BTBD1: variants seen among roughly 807,000 people sequenced by gnomAD.
BTBD1 encodes the protein BTB domain containing 1, also known as BTB/POZ domain-containing protein 1.
A neutral mutation model predicts 48.0 loss-of-function variants in BTBD1; 34 were observed. The ratio of observed to expected loss-of-function variants is 0.71; its 90% confidence interval spans 0.54 to 0.94. The LOEUF is 0.94. Among genes scored for constraint, BTBD1 ranks in the 40% least tolerant of loss-of-function variants. The probability of loss-of-function intolerance (pLI) is 0.00; values close to 1 mark genes in which losing one functional copy is unlikely to be tolerated. For missense variants in BTBD1, 543 were observed against 625.6 expected (o/e 0.87, Z 1.41); for synonymous variants, 261 against 242.1 (o/e 1.08, Z -0.72).
In BTBD1 at chr15:83,018,180, GCA is replaced by G; in HGVS notation, c.1334_1335del (p.Val445AlafsTer2). The G allele has an allele frequency of 6.2e-7, 1 of 1,610,898 alleles. No individual in the cohort carries two copies. Among genetic ancestry groups the G allele is most frequent in the Non-Finnish European group, 8.5e-7 (1 of 1,178,572 alleles). ...HYGTKGLKKV[V>X]HETPAASKTV... ...GTCTTGCTTGCAGCAGGTGTCTCAT[GCA>G]CTACTTTCTTCAATCCTTTTGTGCC... is the stretch of plus-strand genomic sequence containing the variant. On this transcript the variant is annotated frameshift_variant, in exon 8 of 8. Coordinates refer to ENST00000261721, the MANE Select transcript of BTBD1 (RefSeq NM_025238.4). LOFTEE classifies it high-confidence loss of function.
intron 5 of BTBD1, chr15:83,022,682 G>T (rs192658981): frequency 0.023 from 3,363 of 145,534 alleles, 57 homozygotes; most frequent in Middle Eastern, 0.05. Flanking sequence ...AAAAAAAATA[G>T]ACCAGGCACA....
intron 2 of BTBD1, among the ~76,000 whole-genome samples, chr15:83,055,304 C>T (rs1425931148): frequency 6.6e-6 from 1 of 152,204 alleles, no homozygotes; most frequent in African/African-American, 2.4e-5. Flanking sequence ...GTCACCCAAG[C>T]TGGACTGCAA....
chr15:83,042,324 C>T (rs898179880), intron 3 of BTBD1, among the ~76,000 whole-genome samples: 3 of 132,546 alleles, frequency 2.3e-5, no homozygotes, highest in Admixed American at 8.0e-5. Flanking sequence ...TTAAGCACTA[C>T]GTGCCAGGTA....
chr15:83,034,886 T>C (rs771785502), intron 4 of BTBD1, among the ~76,000 whole-genome samples: 5 of 152,344 alleles, frequency 3.3e-5, no homozygotes, highest in Non-Finnish European at 5.9e-5. Flanking sequence ...TTAGTATATA[T>C]TCCTTTCATA....
intron 1 of BTBD1, among the ~76,000 whole-genome samples, chr15:83,063,018 C>G (rs532342038): frequency 1.4e-4 from 21 of 152,308 alleles, no homozygotes; most frequent in Admixed American, 9.2e-4. Flanking sequence ...CTTCATTATA[C>G]CTGACTCTCA....
intron 6 of BTBD1, 41 bp from the exon 7 acceptor site, chr15:83,018,894 A>C: frequency 1.9e-6 from 3 of 1,550,746 alleles, no homozygotes; most frequent in Non-Finnish European, 1.8e-6. Flanking sequence ...AGTTAAACCA[A>C]ATAAAGCAAA....
At chr15:83,053,214 A>C (rs1386658146) in intron 2 of BTBD1, among the ~76,000 whole-genome samples, 2 of 152,146 alleles carry the variant, frequency 1.3e-5, no homozygotes, top group African/African-American at 2.4e-5. Flanking sequence ...ATGCTGGTAC[A>C]GTATACTGGC....
intron 1 of BTBD1, among the ~76,000 whole-genome samples, chr15:83,056,957 T>G (rs939149442): frequency 6.6e-6 from 1 of 152,096 alleles, no homozygotes; most frequent in Non-Finnish European, 1.5e-5. Context: ...CAGCCTCAAC[T>G]GTATCACCCT....
At chr15:83,044,369 T>C (rs1342753895) in intron 3 of BTBD1, 6 of 1,522,886 alleles carry the variant, frequency 3.9e-6, no homozygotes, top group East Asian at 4.8e-5. Context: ...GTGCCCACCA[T>C]GGCCACAGTT....
At chr15:83,039,686 G>A (rs1229643610) in intron 4 of BTBD1, among the ~76,000 whole-genome samples, 2 of 151,140 alleles carry the variant, frequency 1.3e-5, no homozygotes, top group Non-Finnish European at 2.9e-5. Flanking sequence ...GCTGAGGTGG[G>A]AGAATTGCCT....
rs2033289848 is a variant in BTBD1 at position 83,066,963 on chromosome 15, G to A, written c.189C>T (p.Phe63=). The A allele has an allele frequency of 6.3e-7, 1 of 1,582,458 alleles. No homozygotes were observed. Among genetic ancestry groups the A allele is most frequent in the East Asian group, 2.5e-5 (1 of 40,110 alleles). ...ASLKERFAFL[F]NSELLSDVRF... ...GCACATCGCTCAGCAGCTCCGAGTT[G>A]AAGAGGAAGGCGAAGCGCTCCTTCA... is the stretch of plus-strand genomic sequence containing the variant. The change falls in exon 1 of 8, where the codon TTC becomes TTT. Residue 63 remains phenylalanine (F), a synonymous_variant. Transcript: ENST00000261721.
At chr15:83,024,433 A>G (rs1039019722) in intron 5 of BTBD1, 9 of 152,178 alleles carry the variant, frequency 5.9e-5, no homozygotes, top group Non-Finnish European at 1.3e-4. Flanking sequence ...AAACTTTTCA[A>G]TTATCTGTTT....
Position 83,067,065 on chromosome 15 carries a change from G to A in BTBD1, c.87C>T (p.Pro29=), listed in dbSNP as rs1596447727. 2.6e-6 allele frequency: 4 copies of A among 1,559,802 alleles called. No homozygotes were observed. Among genetic ancestry groups the A allele is most frequent in the Non-Finnish European group, 2.6e-6 (3 of 1,157,582 alleles). The change falls in exon 1 of 8, where the codon CCC becomes CCT. Residue 29 remains proline, a synonymous_variant. Transcript: ENST00000261721. The part of the protein sequence containing the change: ...EPGPAGPPPP[P]SPSSLGPLLP... ...GCAGGGGCCCCAGAGAGGACGGTGA[G>A]GGCGGCGGCGGCGGCCCCGCGGGGC... is the stretch of plus-strand genomic sequence containing the variant.
chr15:83,041,353 A>C (rs1352383499), intron 4 of BTBD1, among the ~76,000 whole-genome samples: 2 of 151,236 alleles, frequency 1.3e-5, no homozygotes, highest in East Asian at 3.9e-4. Flanking sequence ...TCTCTGGCGC[A>C]GGGAGACTGA....
chr15:83,029,961 TGAG>T, intron 5 of BTBD1, 172 bp downstream of exon 5: 1 of 660,424 alleles, frequency 1.5e-6, no homozygotes, highest in African/African-American at 1.8e-5. Context: ...CATAAATCAG[TGAG>T]GAGGGCAGGA....
intron 4 of BTBD1, among the ~76,000 whole-genome samples, chr15:83,034,591 G>A (rs2032589470): frequency 6.6e-6 from 1 of 152,156 alleles, no homozygotes; most frequent in Admixed American, 6.6e-5. Flanking sequence ...TCCGGCCTGG[G>A]TGACAGAGGG....
chr15:83,042,350 A>ATATATATATATGTATG (rs2032779509), intron 3 of BTBD1, among the ~76,000 whole-genome samples: 1 of 72,560 alleles, frequency 1.4e-5, no homozygotes, highest in African/African-American at 6.4e-5. Flanking sequence ...AGGCAATTTT[A>ATATATATATATGTATG]TATATATATA....
intron 5 of BTBD1, among the ~76,000 whole-genome samples, chr15:83,027,928 G>A (rs142262434): frequency 7.7e-4 from 117 of 152,234 alleles, no homozygotes; most frequent in African/African-American, 2.8e-3. Context: ...CAAAGTCTAT[G>A]TATTGAACTA....
chr15:83,018,588 C>T, intron 7 of BTBD1, 119 bp downstream of exon 7: 2 of 1,150,850 alleles, frequency 1.7e-6, no homozygotes, highest in Non-Finnish European at 2.4e-6. Flanking sequence ...ATTTTAGCTC[C>T]CAGCTTCTTT....
Sources: allele counts gnomAD v4.1 joint callset (sites outside exome capture counted in the v4.1 genomes callset), GRCh38; gene constraint gnomAD v4.1.1; transcripts MANE v1.5; gene names NCBI Gene and HGNC (gene_info 2026-07-23, HGNC 2026-07-21).